FOXM1: variants seen among roughly 807,000 people sequenced by gnomAD.
FOXM1 encodes forkhead box protein M1.
In FOXM1, 25 loss-of-function variants were observed where a neutral mutation model predicts 63.6. The observed-to-expected ratio is 0.39, with a 90% CI of 0.29 to 0.55. The LOEUF (loss-of-function observed/expected upper bound fraction) is 0.55. Among genes scored for constraint, FOXM1 ranks in the 20% least tolerant of loss-of-function variants. The pLI is 0.60. For missense variants in FOXM1, 879 were observed against 958.7 expected, an observed-to-expected ratio of 0.92 and a Z score of 1.10; for synonymous variants, 387 against 376.9, an observed-to-expected ratio of 1.03 and a Z score of -0.31.
At chr12:2,875,454 G>A (rs1312456109) in intron 1 of FOXM1, among the ~76,000 whole-genome samples, 1 of 152,190 alleles carries the variant, frequency 6.6e-6, no homozygotes, top group African/African-American at 2.4e-5. Flanking sequence ...ATGTAAAGTT[G>A]TGCAGCTTGT....
chr12:2,862,985 A>G (rs1427544238), intron 8 of FOXM1, among the ~76,000 whole-genome samples: 1 of 152,122 alleles, frequency 6.6e-6, no homozygotes, highest in African/African-American at 2.4e-5. Flanking sequence ...ACCCTTTAAC[A>G]GTGTTAAGTG....
intron 5 of FOXM1, 78 bp downstream of exon 5, chr12:2,866,315 A>G (rs1404169040): frequency 7.4e-7 from 1 of 1,345,926 alleles, no homozygotes; most frequent in Non-Finnish European, 9.7e-7. Context: ...AAGCATCACT[A>G]GCAGAACTTG....
intron 1 of FOXM1, among the ~76,000 whole-genome samples, chr12:2,875,762 T>A (rs28653337): frequency 1.5e-5 from 2 of 135,614 alleles, no homozygotes; most frequent in South Asian, 2.2e-4. Context: ...TTTTTTTTAA[T>A]TTTTTTTTTT....
chr12:2,875,827 C>G (rs1488122705), intron 1 of FOXM1, among the ~76,000 whole-genome samples: 3 of 148,790 alleles, frequency 2.0e-5, no homozygotes, highest in East Asian at 2.0e-4. Context: ...ATGGCGCAAT[C>G]TCAGCTCACT....
rs1474401386 is a variant in FOXM1, at chr12:2,859,876, C to G, written c.1267-213G>C. ...GTGGCATAATTATAATAGCATTCATCCGAGAGGAAATAAAATTGCATGCTT... is the reference window on the plus strand; with the variant it reads ...GTGGCATAATTATAATAGCATTCATGCGAGAGGAAATAAAATTGCATGCTT... On this transcript the variant is annotated intron_variant, in intron 8 of 8. Coordinates refer to ENST00000359843, the MANE Select transcript of FOXM1 (RefSeq NM_021953.4). The G allele has an allele frequency of 2.4e-5, 13 of 547,594 alleles. No homozygotes were observed. In the South Asian group the frequency reaches 2.6e-4, roughly 11 times the overall value. 33.9% of individuals were successfully genotyped at this position (547,594 alleles called of 1,614,324 possible).
chr12:2,870,562 C>CTGAG (rs1218778944), intron 3 of FOXM1, among the ~76,000 whole-genome samples: 7 of 151,290 alleles, frequency 4.6e-5, no homozygotes, highest in African/African-American at 1.7e-4. Flanking sequence ...ACTCGGGAGG[C>CTGAG]TGAGGCAGGA....
intron 8 of FOXM1, among the ~76,000 whole-genome samples, chr12:2,860,470 T>G (rs1392390329): frequency 1.3e-5 from 2 of 151,728 alleles, no homozygotes; most frequent in African/African-American, 4.8e-5. Context: ...CTAGGCAACA[T>G]AGCAAGATCC....
At position 2,859,584 on chromosome 12, in the gene FOXM1, C is replaced by A; in HGVS notation, c.1346G>T (p.Gly449Val). ...CTGAACTGGAAGCAAAGGAGAAAACCCTTCTCCAAACAGGAGTTTCTCCTC... is the reference window on the plus strand; with the variant it reads ...CTGAACTGGAAGCAAAGGAGAAAACACTTCTCCAAACAGGAGTTTCTCCTC... Reference protein sequence around the residue: ...GKEEKLLFGEGFSPLLPVQTI... With the variant: ...GKEEKLLFGEVFSPLLPVQTI... The change falls in exon 9 of 9, where the codon GGG becomes GTG. Residue 449 changes from glycine (G) to valine (V), a missense_variant. Transcript: ENST00000359843. 6.2e-7 allele frequency: 1 copy of A among 1,613,652 alleles called. No homozygotes were observed. The highest frequency in any genetic ancestry group is 1.1e-5 in the South Asian group (1 of 91,034).
At position 2,864,180 on chromosome 12, in the gene FOXM1, C is replaced by T; in HGVS notation, c.1266+140G>A. ...TTTTAGCTCTTCTAATGCTATTACA[C>T]TTCCCTATGTTTTTATGCCTTTTCT... On this transcript the variant is annotated intron_variant, in intron 8 of 8. Transcript: ENST00000359843. This position sits in a 1 kb window ranked among gnomAD's most constrained non-coding sequence, Gnocchi z 5.1. The T allele has an allele frequency of 1.3e-6, 1 of 756,564 alleles. No individual in the cohort carries two copies. Among genetic ancestry groups the T allele is most frequent in the East Asian group, 2.5e-5 (1 of 40,612 alleles). The allele number at this position is 756,564 out of a possible 1,614,324, so 46.9% of individuals were successfully genotyped here.
chr12:2,865,859 G>C (rs879312261), intron 5 of FOXM1, among the ~76,000 whole-genome samples: 1 of 151,704 alleles, frequency 6.6e-6, no homozygotes, highest in African/African-American at 2.4e-5. Context: ...CTCCATGTTG[G>C]TCAGGCTGGT....
At chr12:2,862,737 T>G (rs1420654589) in intron 8 of FOXM1, among the ~76,000 whole-genome samples, 1 of 151,984 alleles carries the variant, frequency 6.6e-6, no homozygotes, top group Non-Finnish European at 1.5e-5. Flanking sequence ...AGACAGGGTC[T>G]TACTTTGCTG....
intron 8 of FOXM1, chr12:2,861,167 CAAAAAA>C: frequency 5.1e-6 from 2 of 388,946 alleles, no homozygotes; most frequent in East Asian, 5.0e-5. Context: ...GACTCCGTCT[CAAAAAA>C]AAAAAAAAAG....
Position 2,865,451 on chromosome 12 carries a change from C to T in FOXM1, c.976-52G>A, listed in dbSNP as rs371278657. The T allele has an allele frequency of 8.0e-5, 118 of 1,480,840 alleles. No homozygotes were observed. The African/African-American group carries it at 8.4e-4, about 11-fold the overall frequency. 91.7% of individuals were successfully genotyped at this position (1,480,840 alleles called of 1,614,324 possible). On this transcript the variant is annotated intron_variant, in intron 5 of 8. Coordinates refer to ENST00000359843, the MANE Select transcript of FOXM1 (RefSeq NM_021953.4). ...AGAAATGAGATGAAGTTACCACCAA[C>T]GTGGTCAATTTGACCGGATTGGGAA...
Position 2,874,396 on chromosome 12 carries a change from G to T in FOXM1, c.83C>A (p.Ser28Ter). ...LPVQNAPSET[S>*]EEEPKRSPAQ... Reference sequence around the variant, plus strand: ...AGGGGATCTCTTAGGTTCCTCCTCTGATGTTTCACTTGGGGCATTTTGAAC... The same window carrying T: ...AGGGGATCTCTTAGGTTCCTCCTCTTATGTTTCACTTGGGGCATTTTGAAC... Residue 28 changes from serine (S) to a stop codon, truncating the protein, a stop_gained, in exon 2 of 9, where the codon TCA (serine) becomes TAA (stop). Transcript: ENST00000359843. LOFTEE classifies it high-confidence loss of function. The surrounding 1 kb of genome is among the most constrained non-coding windows in gnomAD (Gnocchi z 4.3). 1.2e-6 allele frequency: 2 copies of T among 1,614,090 alleles called. No individual in the cohort carries two copies. The highest frequency in any genetic ancestry group is 1.1e-5 in the South Asian group (1 of 91,082).
intron 4 of FOXM1, among the ~76,000 whole-genome samples, chr12:2,867,405 C>T (rs754501979): frequency 6.6e-6 from 1 of 152,080 alleles, no homozygotes; most frequent in Non-Finnish European, 1.5e-5. Context: ...GCTGAGGCTG[C>T]ACTCCAGCCC....
chr12:2,869,717 A>G lies in FOXM1; in HGVS notation c.655-963T>C, dbSNP rs373856169. Reference sequence around the variant, plus strand: ...CTCCCAGAGTGATGGGATTACAGGCATGAGCCATTGCGCCTGGCGATTTTT... The same window carrying G: ...CTCCCAGAGTGATGGGATTACAGGCGTGAGCCATTGCGCCTGGCGATTTTT... On this transcript the variant is annotated intron_variant, in intron 3 of 8. Coordinates refer to ENST00000359843, the MANE Select transcript of FOXM1 (RefSeq NM_021953.4). Among the ~76,000 whole-genome samples the G allele has an allele frequency of 4.0e-5, 6 of 149,984 alleles. No individual in the cohort carries two copies. In the East Asian group the frequency reaches 1.2e-3, roughly 30 times the overall value.
In FOXM1 at chr12:2,857,867, T is replaced by C. The variant is rs901243034; in HGVS notation, c.*771A>G. 1.3e-5 allele frequency: 2 copies of C among 152,320 alleles called. No individual in the cohort carries two copies. Among genetic ancestry groups the C allele is most frequent in the Non-Finnish European group, 2.9e-5 (2 of 68,132 alleles). The allele number at this position is 152,320 out of a possible 1,614,324, so 9.4% of individuals were successfully genotyped here. A position where few individuals can be genotyped will look rare whatever the true frequency, so the allele number is the denominator to read the frequency against. ...TTCTCGTCAATGCCAGTCTCCCTGGTATGATTGGGGACATTATCAGAGAAA... is the reference window on the plus strand; with the variant it reads ...TTCTCGTCAATGCCAGTCTCCCTGGCATGATTGGGGACATTATCAGAGAAA... On this transcript the variant is annotated 3_prime_UTR_variant, in exon 9 of 9. Coordinates refer to ENST00000359843, the MANE Select transcript of FOXM1 (RefSeq NM_021953.4).
chr12:2,866,657 T>C, intron 4 of FOXM1, 136 bp from the exon 5 acceptor site: 1 of 801,384 alleles, frequency 1.2e-6, no homozygotes, highest in South Asian at 2.7e-5. Context: ...TTTGCAGCCC[T>C]CTTGGCAACT....
Position 2,859,231 on chromosome 12 carries a change from T to C in FOXM1, c.1699A>G (p.Ser567Gly). Residue 567 changes from serine to glycine, a missense_variant, in exon 9 of 9, where the codon AGT (serine) becomes GGT (glycine). Physicochemically the swap from Ser to Gly is moderately conservative, Grantham distance 56 (BLOSUM62 0). Around this residue, in one of 4 missense-constraint regions of FOXM1, gnomAD observed 486 missense variants for 453.5 expected, o/e 1.07. Transcript: ENST00000359843. The stretch of plus-strand genomic sequence containing the variant: ...AGCTCTGCGGCCCAGCGGGAAGTAC[T>C]GGGCCCCTCTGAGAAGAGCAGCTCC... The part of the protein sequence containing the change: ...EPELLFSEGP[S>G]TSRWAAELPF... 6.2e-7 allele frequency: 1 copy of C among 1,613,680 alleles called. No homozygotes were observed. Among genetic ancestry groups the C allele is most frequent in the Non-Finnish European group, 8.5e-7 (1 of 1,179,968 alleles).
Sources: allele counts gnomAD v4.1 joint callset (sites outside exome capture counted in the v4.1 genomes callset), GRCh38; gene constraint gnomAD v4.1.1; regional missense constraint gnomAD v4.1.1; non-coding constraint Gnocchi (gnomAD v3.1); transcripts MANE v1.5; gene names NCBI Gene and HGNC (gene_info 2026-07-23, HGNC 2026-07-21).